SLC39A11: variants seen among roughly 807,000 people sequenced by gnomAD.
SLC39A11 encodes solute carrier family 39 member 11.
A neutral mutation model predicts 36.1 loss-of-function variants in SLC39A11; 33 were observed. The ratio of observed to expected loss-of-function variants is 0.91; its 90% CI spans 0.69 to 1.22. SLC39A11 has a LOEUF of 1.22. Among genes scored for constraint, SLC39A11 ranks in the 50% most tolerant of loss-of-function variants. The pLI, the probability that SLC39A11 is intolerant of heterozygous loss-of-function variation, is 0.00. For missense variants in SLC39A11, 432 were observed against 430.3 expected (o/e 1.00, Z -0.03); for synonymous variants, 166 against 170.3 (o/e 0.97, Z 0.20).
intron 5 of SLC39A11, among the ~76,000 whole-genome samples, chr17:72,894,971 A>G (rs761106158): frequency 3.9e-5 from 6 of 152,212 alleles, no homozygotes; most frequent in Non-Finnish European, 8.8e-5. Context: ...AAGGTAGGGC[A>G]GTGTTCATCC....
chr17:73,082,476 TTC>T (rs2060575502), intron 3 of SLC39A11, among the ~76,000 whole-genome samples: 1 of 152,198 alleles, frequency 6.6e-6, no homozygotes, highest in South Asian at 2.1e-4. Flanking sequence ...TTTGATTTTT[TTC>T]TTTTTTGTTT....
intron 6 of SLC39A11, among the ~76,000 whole-genome samples, chr17:72,828,893 C>T (rs1002374423): frequency 2.0e-5 from 3 of 152,158 alleles, no homozygotes; most frequent in Non-Finnish European, 2.9e-5. Context: ...AGTCAAGCAT[C>T]GGAGAGTAGT....
intron 5 of SLC39A11, among the ~76,000 whole-genome samples, chr17:72,882,339 G>C (rs1471913010): frequency 7.4e-6 from 1 of 134,378 alleles, no homozygotes; most frequent in East Asian, 2.2e-4. Flanking sequence ...CTAGATATCA[G>C]AATGTACATA....
chr17:73,002,913 A>G (rs2089901085), intron 4 of SLC39A11, among the ~76,000 whole-genome samples: 1 of 152,124 alleles, frequency 6.6e-6, no homozygotes, highest in African/African-American at 2.4e-5. Flanking sequence ...CTCCTGTTCA[A>G]ATCCCCCTCT....
chr17:72,798,745 C>G (rs917003124), intron 6 of SLC39A11, among the ~76,000 whole-genome samples: 14 of 152,068 alleles, frequency 9.2e-5, no homozygotes, highest in African/African-American at 3.4e-4. Context: ...CTCACCTCAT[C>G]TAAACCTAAT....
intron 7 of SLC39A11, among the ~76,000 whole-genome samples, chr17:72,663,235 C>A (rs1235407545): frequency 6.6e-6 from 1 of 152,194 alleles, no homozygotes; most frequent in African/African-American, 2.4e-5. Context: ...ACAAACAACA[C>A]GTTTGAGCAG....
intron 7 of SLC39A11, among the ~76,000 whole-genome samples, chr17:72,727,320 A>G (rs553067353): frequency 6.6e-5 from 10 of 152,294 alleles, no homozygotes; most frequent in South Asian, 2.1e-4. Context: ...TTCCTCTGTG[A>G]TTGAAACAGA....
At chr17:73,057,465 C>T (rs1046409269) in intron 3 of SLC39A11, among the ~76,000 whole-genome samples, 1 of 152,196 alleles carries the variant, frequency 6.6e-6, no homozygotes, top group Non-Finnish European at 1.5e-5. Context: ...TCTGAATTTA[C>T]TTTTTCTCTT....
intron 4 of SLC39A11, among the ~76,000 whole-genome samples, chr17:72,959,729 A>T (rs1413698060): frequency 6.6e-6 from 1 of 152,116 alleles, no homozygotes; most frequent in Non-Finnish European, 1.5e-5. Context: ...AAATTTTTTT[A>T]AATATATACT....
Position 72,849,800 on chromosome 17 carries a change from CTT to C in SLC39A11, c.433_434del (p.Lys145GlufsTer2). ...PESELSIRIDKSENGEAYQRK... is the reference protein window; with the variant it reads ...PESELSIRIDXSENGEAYQRK... ...TCTGATATGCCTCACCATTCTCACT[CTT>C]GTCTGAGCAAAAAAAAAAAAAAAGA... On this transcript the variant is annotated frameshift_variant and splice_region_variant, in exon 6 of 10. Transcript: ENST00000255559. LOFTEE classifies it high-confidence loss of function. 1 of 1,486,988 alleles carries C rather than the reference CTT, an allele frequency of 6.7e-7. No homozygotes were observed. The highest frequency in any genetic ancestry group is 2.4e-5 in the Admixed American group (1 of 41,890). 92.1% of individuals were successfully genotyped at this position (1,486,988 alleles called of 1,614,324 possible). A position where few individuals can be genotyped will look rare whatever the true frequency, so the allele number is the denominator to read the frequency against.
At chr17:72,968,796 C>G (rs536927338) in intron 4 of SLC39A11, among the ~76,000 whole-genome samples, 13 of 152,218 alleles carry the variant, frequency 8.5e-5, no homozygotes, top group Non-Finnish European at 1.8e-4. Context: ...GTTCTACACA[C>G]GTGCGGACGA....
intron 5 of SLC39A11, among the ~76,000 whole-genome samples, chr17:72,942,490 C>T (rs932733670): frequency 7.2e-5 from 11 of 152,076 alleles, no homozygotes; most frequent in South Asian, 2.1e-4. Context: ...CACATTATTT[C>T]GGAAACCTAG....
chr17:72,661,009 A>G (rs1321563134), intron 7 of SLC39A11, among the ~76,000 whole-genome samples: 1 of 152,216 alleles, frequency 6.6e-6, no homozygotes, highest in Non-Finnish European at 1.5e-5. Flanking sequence ...AACTGCTCAG[A>G]CTGAGTGTGG....
chr17:72,764,232 G>A (rs57266831), intron 6 of SLC39A11, among the ~76,000 whole-genome samples: 17,381 of 152,016 alleles, frequency 0.11, 1,175 homozygotes, highest in African/African-American at 0.19. Flanking sequence ...CCATCTTAAT[G>A]GCTGACCTTT....
chr17:72,673,393 G>A (rs118075001), intron 7 of SLC39A11, among the ~76,000 whole-genome samples: 2,645 of 152,224 alleles, frequency 0.017, 31 homozygotes, highest in Middle Eastern at 0.027. Flanking sequence ...GTGAGCCACC[G>A]TGCCCGGCCT....
intron 6 of SLC39A11, among the ~76,000 whole-genome samples, chr17:72,846,076 C>A (rs576728010): frequency 4.7e-5 from 6 of 127,706 alleles, no homozygotes; most frequent in Admixed American, 9.6e-5. Flanking sequence ...GTCGCCCAGG[C>A]TGCAGTGCAG....
chr17:72,738,451 C>T lies in SLC39A11; in HGVS notation c.602-1732G>A, dbSNP rs534370464. Among the ~76,000 whole-genome samples the T allele has an allele frequency of 3.2e-4, 49 of 152,286 alleles. 1 individual carries two copies. In the South Asian group the frequency reaches 3.9e-3, roughly 12 times the overall value. On this transcript the variant is annotated intron_variant, in intron 6 of 9. Transcript: ENST00000255559. ...TGGGGCTAGACAAGATGGGTTTTCA[C>T]GTCCTTTCCTGTGGTACATGGGCTT...
intron 4 of SLC39A11, among the ~76,000 whole-genome samples, chr17:73,026,117 G>A (rs112189638): frequency 0.03 from 4,486 of 149,326 alleles, 77 homozygotes; most frequent in East Asian, 0.05. Context: ...GATCCACCTC[G>A]GAAGAGAGAG....
At chr17:72,789,357 T>A (rs1448928616) in intron 6 of SLC39A11, among the ~76,000 whole-genome samples, 1 of 152,174 alleles carries the variant, frequency 6.6e-6, no homozygotes, top group Non-Finnish European at 1.5e-5. Flanking sequence ...TTTGTTAACT[T>A]AGCACATGCA....
Sources: gnomAD v4.1 joint callset for allele counts (sites outside exome capture counted in the v4.1 genomes callset) on GRCh38, gnomAD v4.1.1 for gene constraint, MANE v1.5 for transcripts, NCBI Gene and HGNC (gene_info 2026-07-23, HGNC 2026-07-21) for gene names.